The following PAPPA2 variants were observed in gnomAD, a reference collection of about 807,000 sequenced individuals.
The protein encoded by PAPPA2 is pappalysin 2.
PAPPA2 carries 86 observed loss-of-function variants against 176.4 expected under a neutral mutation model. The ratio of observed to expected loss-of-function variants is 0.49; its 90% CI spans 0.41 to 0.58. The LOEUF (loss-of-function observed/expected upper bound fraction) is 0.58. Among genes scored for constraint, PAPPA2 ranks in the 20% least tolerant of loss-of-function variants. The pLI is 0.00. For missense variants in PAPPA2, 2,073 were observed against 2,256.9 expected (o/e 0.92, Z 1.65); for synonymous variants, 809 against 852.2 (o/e 0.95, Z 0.88).
intron 20 of PAPPA2, among the ~76,000 whole-genome samples, chr1:176,796,710 T>TTTTC (rs940930492): frequency 2.5e-4 from 38 of 151,470 alleles, no homozygotes; most frequent in African/African-American, 8.7e-4. Flanking sequence ...CTTTCTTTCT[T>TTTTC]TTTCTTTCTT....
chr1:176,670,384 A>C (rs1015295272), intron 3 of PAPPA2, among the ~76,000 whole-genome samples: 3 of 152,208 alleles, frequency 2.0e-5, no homozygotes, highest in Admixed American at 2.0e-4. Context: ...GGGAGTATAA[A>C]GAGAGATGTC....
Position 176,646,278 on chromosome 1 carries a change from G to T in PAPPA2, c.1992-24692G>T, listed in dbSNP as rs530918835. ...TAAAAAATTTTTATTTTTAATTTTT[G>T]TGGGTACATAGTAGGTGTATATATT... is the stretch of plus-strand genomic sequence containing the variant. On this transcript the variant is annotated intron_variant, in intron 3 of 22. Transcript: ENST00000367662. 6.0e-5 allele frequency among the ~76,000 whole-genome samples: 9 copies of T among 151,148 alleles called. No individual in the cohort carries two copies. The East Asian group carries it at 1.8e-3, about 30-fold the overall frequency.
rs567318784 is a variant in PAPPA2 at position 176,674,931 on chromosome 1, C to G, written c.2137+3816C>G. On this transcript the variant is annotated intron_variant, in intron 4 of 22. Transcript: ENST00000367662. ...TGTTCCCTTTTCACCACAGCCACAT[C>G]AACATCTATTATTTTTTGATTTTTT... Among the ~76,000 whole-genome samples, 5 of 152,086 alleles carry G rather than the reference C, an allele frequency of 3.3e-5. No homozygotes were observed. In the East Asian group the frequency reaches 9.7e-4, roughly 29 times the overall value.
intron 8 of PAPPA2, among the ~76,000 whole-genome samples, chr1:176,702,228 C>T (rs904387631): frequency 6.6e-6 from 1 of 152,218 alleles, no homozygotes; most frequent in Non-Finnish European, 1.5e-5. Context: ...AAGCTTTCAT[C>T]TCCAGTTTCT....
At chr1:176,690,510 C>A in intron 5 of PAPPA2, 80 bp downstream of exon 5, 2 of 1,558,520 alleles carry the variant, frequency 1.3e-6, no homozygotes, top group African/African-American at 2.7e-5. Context: ...GGTGTGGGAG[C>A]TGATGGGAGA....
chr1:176,812,201 C>T (rs1352316822), intron 21 of PAPPA2, among the ~76,000 whole-genome samples: 1 of 117,954 alleles, frequency 8.5e-6, no homozygotes, highest in East Asian at 3.1e-4. Context: ...TTATTCTGGG[C>T]TTTTTTGTTC....
chr1:176,791,331 A>G lies in PAPPA2; in HGVS notation c.4885-16A>G, dbSNP rs73048163. ...TAACAAAACAATAATTAAGATGTTT[A>G]CTTTTGATATTCTAGCTTCCCATCC... On this transcript the variant is annotated splice_polypyrimidine_tract_variant and intron_variant, in intron 18 of 22. Coordinates refer to ENST00000367662, the MANE Select transcript of PAPPA2 (RefSeq NM_020318.3). The G allele has an allele frequency of 2.0e-3, 3,180 of 1,602,694 alleles. 41 individuals carry two copies. In the African/African-American group the frequency reaches 0.037, roughly 19 times the overall value.
Position 176,661,693 on chromosome 1 carries a change from T to C in PAPPA2, c.1992-9277T>C, listed in dbSNP as rs149413108. 5.0e-3 allele frequency among the ~76,000 whole-genome samples: 766 copies of C among 152,056 alleles called. 3 individuals are homozygous for C. Among genetic ancestry groups the C allele is most frequent in the Middle Eastern group, 0.01 (3 of 294 alleles). ...AGGCGGTCATCTCCCAGTCACCTTT[T>C]AACTCTAACATGAAGAACACAACTG... On this transcript the variant is annotated intron_variant, in intron 3 of 22. Transcript: ENST00000367662.
chr1:176,619,008 A>C (rs1207944291), intron 3 of PAPPA2, among the ~76,000 whole-genome samples: 1 of 152,158 alleles, frequency 6.6e-6, no homozygotes, highest in East Asian at 1.9e-4. Flanking sequence ...ATAGTTTTTC[A>C]TCCAGATTGG....
intron 3 of PAPPA2, among the ~76,000 whole-genome samples, chr1:176,658,301 G>A (rs1295588872): frequency 2.0e-5 from 3 of 151,794 alleles, no homozygotes; most frequent in Non-Finnish European, 2.9e-5. Flanking sequence ...TGATATTAGA[G>A]GCAGAAAAAT....
At chr1:176,605,567 C>T (rs1654562184) in intron 3 of PAPPA2, among the ~76,000 whole-genome samples, 1 of 152,198 alleles carries the variant, frequency 6.6e-6, no homozygotes, top group Admixed American at 6.5e-5. Context: ...CTTGCTCTGG[C>T]TCCTAATTTA....
intron 14 of PAPPA2, among the ~76,000 whole-genome samples, chr1:176,760,038 T>C (rs1410176396): frequency 6.6e-6 from 1 of 152,246 alleles, no homozygotes; most frequent in Admixed American, 6.5e-5. Context: ...GGTATTTTTA[T>C]CCATGTTTTG....
At chr1:176,468,979 C>T (rs1243917455) in intron 1 of PAPPA2, among the ~76,000 whole-genome samples, 2 of 152,176 alleles carry the variant, frequency 1.3e-5, no homozygotes, top group African/African-American at 4.8e-5. Flanking sequence ...CTTGTAAGAG[C>T]TGGTAGGTGG....
intron 10 of PAPPA2, 130 bp downstream of exon 10, chr1:176,706,580 C>A (rs1558533048): frequency 4.1e-6 from 3 of 737,452 alleles, no homozygotes; most frequent in South Asian, 1.9e-5. Context: ...CCTTGTATGC[C>A]AGGCATGAAT....
chr1:176,817,070 G>T (rs564107096), intron 21 of PAPPA2, among the ~76,000 whole-genome samples: 36 of 152,280 alleles, frequency 2.4e-4, no homozygotes, highest in African/African-American at 8.4e-4. Context: ...GCCTTGGGGA[G>T]AGGTATGTTC....
chr1:176,799,965 G>T, intron 20 of PAPPA2, 96 bp from the exon 21 acceptor site: 1 of 1,221,754 alleles, frequency 8.2e-7, no homozygotes, highest in Non-Finnish European at 1.2e-6. Context: ...TTGAGAAATG[G>T]AGTTGGACTC....
At chr1:176,620,759 C>T (rs1655548817) in intron 3 of PAPPA2, among the ~76,000 whole-genome samples, 1 of 152,180 alleles carries the variant, frequency 6.6e-6, no homozygotes, top group South Asian at 2.1e-4. Context: ...CTTAAAACCA[C>T]AAATCTTTAT....
chr1:176,480,917 C>T (rs903227090), intron 1 of PAPPA2, among the ~76,000 whole-genome samples: 4 of 152,090 alleles, frequency 2.6e-5, no homozygotes, highest in South Asian at 2.1e-4. Flanking sequence ...CCACCTTCAA[C>T]GCCTCTCCTG....
rs1660051996 is a variant in PAPPA2 at position 176,690,335 on chromosome 1, A to G, written c.2336A>G (p.Lys779Arg). Residue 779 changes from lysine (K) to arginine (R), a missense_variant, in exon 5 of 23, where the codon AAG becomes AGG. Coordinates refer to ENST00000367662, the MANE Select transcript of PAPPA2 (RefSeq NM_020318.3). ...TGTGCCGACACCGCCCCCACTCCCA[A>G]GAGTGAGCTGTGCCGGGAACCAGAG... ...DLCADTAPTP[K>R]SELCREPEPT... The G allele has an allele frequency of 1.2e-6, 2 of 1,614,026 alleles. No homozygotes were observed. Among genetic ancestry groups the G allele is most frequent in the Non-Finnish European group, 1.7e-6 (2 of 1,180,006 alleles).
Sources: allele counts gnomAD v4.1 joint callset (sites outside exome capture counted in the v4.1 genomes callset), GRCh38; gene constraint gnomAD v4.1.1; transcripts MANE v1.5; gene names NCBI Gene and HGNC (gene_info 2026-07-23, HGNC 2026-07-21).